The following DSTN variants were observed in gnomAD, a reference collection of about 807,000 sequenced individuals.
DSTN encodes destrin.
Under a neutral mutation model 16.8 loss-of-function variants are expected in DSTN, and 10 were observed. The observed-to-expected ratio is 0.60, with a 90% CI of 0.37 to 1.01. The LOEUF is 1.01. Ranked by LOEUF, DSTN falls within the 50% of genes least tolerant of loss-of-function variation. The pLI is 0.01. For missense variants in DSTN, 141 were observed against 196.7 expected, an observed-to-expected ratio of 0.72 and a Z score of 1.69; for synonymous variants, 57 against 58.9, an observed-to-expected ratio of 0.97 and a Z score of 0.14.
intron 1 of DSTN, among the ~76,000 whole-genome samples, chr20:17,590,097 G>T (rs1384288747): frequency 1.3e-5 from 2 of 152,150 alleles, no homozygotes; most frequent in East Asian, 3.8e-4. Context: ...TTAGCTTTTG[G>T]ACTGGTTCAG....
At position 17,570,176 on chromosome 20, in the gene DSTN, C is replaced by T. The variant is rs1434123172; in HGVS notation, c.-33C>T. The T allele has an allele frequency of 2.6e-6, 4 of 1,519,078 alleles. No individual in the cohort carries two copies. In the South Asian group the frequency reaches 3.6e-5, roughly 14 times the overall value. The allele number at this position is 1,519,078 out of a possible 1,614,324, so 94.1% of individuals were successfully genotyped here. A position where few individuals can be genotyped will look rare whatever the true frequency, so the allele number is the denominator to read the frequency against. On this transcript the variant is annotated 5_prime_UTR_variant, in exon 1 of 4. Transcript: ENST00000246069. ...TGCATACTCGCTGCCCGCCGGCTCC[C>T]TCCCCCGCGTCCCTGCGACCGCCGC...
chr20:17,570,932 C>T (rs1479099615), intron 1 of DSTN, among the ~76,000 whole-genome samples: 1 of 152,078 alleles, frequency 6.6e-6, no homozygotes, highest in Non-Finnish European at 1.5e-5. Flanking sequence ...TTTTTTCTGA[C>T]CTGTAGACAG....
chr20:17,599,119 A>G (rs965325143), intron 1 of DSTN: 2 of 152,248 alleles, frequency 1.3e-5, no homozygotes, highest in Non-Finnish European at 2.9e-5. Context: ...ACAATGGAAC[A>G]TTATTCAACA....
chr20:17,583,477 A>G (rs1483524513), intron 1 of DSTN, among the ~76,000 whole-genome samples: 1 of 152,224 alleles, frequency 6.6e-6, no homozygotes, highest in Non-Finnish European at 1.5e-5. Flanking sequence ...TAAATGTAGT[A>G]TATCCATGCA....
chr20:17,602,915 G>A (rs2035602116), intron 2 of DSTN, among the ~76,000 whole-genome samples: 1 of 152,192 alleles, frequency 6.6e-6, no homozygotes, highest in Admixed American at 6.5e-5. Context: ...AGCTACTCGG[G>A]AGGCTGAGGC....
chr20:17,598,739 A>G (rs1301739562), intron 1 of DSTN, among the ~76,000 whole-genome samples: 1 of 151,970 alleles, frequency 6.6e-6, no homozygotes, highest in Non-Finnish European at 1.5e-5. Flanking sequence ...TTTAAATTCT[A>G]TTGCTTATGA....
At chr20:17,604,493 A>ACAAGTTG in intron 2 of DSTN, 62 bp from the exon 3 acceptor site, 1 of 1,505,876 alleles carries the variant, frequency 6.6e-7, no homozygotes, top group Middle Eastern at 2.3e-4. Context: ...CAAATGTTTA[A>ACAAGTTG]CAAGTTGCAA....
At chr20:17,575,027 T>G (rs2035262719) in intron 1 of DSTN, among the ~76,000 whole-genome samples, 1 of 151,874 alleles carries the variant, frequency 6.6e-6, no homozygotes, top group South Asian at 2.1e-4. Flanking sequence ...CAGCTAACTT[T>G]TTAAAATTTT....
At chr20:17,587,203 A>T (rs953133900) in intron 1 of DSTN, among the ~76,000 whole-genome samples, 1 of 41,168 alleles carries the variant, frequency 2.4e-5, no homozygotes, top group Non-Finnish European at 3.7e-5. Flanking sequence ...CTCAAGGAAT[A>T]AAAAAAAAAA....
At position 17,609,655 on chromosome 20, in the gene DSTN, A is replaced by C. The variant is rs1421834736; in HGVS notation, c.*2509A>C. 1.3e-5 allele frequency: 2 copies of C among 152,202 alleles called. No homozygotes were observed. The highest frequency in any genetic ancestry group is 4.8e-5 in the African/African-American group (2 of 41,456). 9.4% of individuals were successfully genotyped at this position (152,202 alleles called of 1,614,324 possible). On this transcript the variant is annotated 3_prime_UTR_variant, in exon 4 of 4. Coordinates refer to ENST00000246069, the MANE Select transcript of DSTN (RefSeq NM_006870.4). ...CTAGGGGAACTTTTGAGAAAGTCTCAGTGGATTCCTGAGGCCCAAGAATTG... is the reference window on the plus strand; with the variant it reads ...CTAGGGGAACTTTTGAGAAAGTCTCCGTGGATTCCTGAGGCCCAAGAATTG...
chr20:17,577,360 G>GT lies in DSTN; in HGVS notation c.3+7150dup, dbSNP rs2035290491. On this transcript the variant is annotated intron_variant, in intron 1 of 3. Coordinates refer to ENST00000246069, the MANE Select transcript of DSTN (RefSeq NM_006870.4). ...AGTTTTGAGGAATTCTCAAATCATT[G>GT]TAAGAATCTGCAGCCTGACCAACAT... Among the ~76,000 whole-genome samples, 4 of 152,254 alleles carry GT rather than the reference G, an allele frequency of 2.6e-5. No homozygotes were observed. In the South Asian group the frequency reaches 6.2e-4, roughly 24 times the overall value.
Position 17,570,205 on chromosome 20 carries a change from G to T in DSTN, c.-4G>T, listed in dbSNP as rs761309989. 1.4e-5 allele frequency: 21 copies of T among 1,519,548 alleles called. No individual in the cohort carries two copies. The highest frequency in any genetic ancestry group is 1.8e-5 in the Non-Finnish European group (21 of 1,137,586). 94.1% of individuals were successfully genotyped at this position (1,519,548 alleles called of 1,614,324 possible). On this transcript the variant is annotated 5_prime_UTR_variant, in exon 1 of 4. Transcript: ENST00000246069. Reference sequence around the variant, plus strand: ...CCCGCGTCCCTGCGACCGCCGCGGCGAAGATGGTGAGTAGGAGGGAGGCCG... The same window carrying T: ...CCCGCGTCCCTGCGACCGCCGCGGCTAAGATGGTGAGTAGGAGGGAGGCCG...
intron 1 of DSTN, among the ~76,000 whole-genome samples, chr20:17,582,121 C>T (rs939578806): frequency 1.3e-5 from 2 of 148,160 alleles, no homozygotes; most frequent in African/African-American, 2.6e-5. Flanking sequence ...CCCTGTTGCC[C>T]AGGCTGGAGT....
intron 2 of DSTN, among the ~76,000 whole-genome samples, chr20:17,603,186 A>AG (rs2122209237): frequency 6.6e-6 from 1 of 152,292 alleles, no homozygotes; most frequent in East Asian, 1.9e-4. Context: ...CACTAGGGTA[A>AG]GGGGTACACT....
At chr20:17,595,521 C>G (rs1021876284) in intron 1 of DSTN, among the ~76,000 whole-genome samples, 1 of 152,034 alleles carries the variant, frequency 6.6e-6, no homozygotes, top group African/African-American at 2.4e-5. Context: ...TTAAGATTAT[C>G]TCCTCTGGAA....
At chr20:17,588,069 C>G (rs79831399) in intron 1 of DSTN, among the ~76,000 whole-genome samples, 2,685 of 152,210 alleles carry the variant, frequency 0.018, 100 homozygotes, top group African/African-American at 0.062. Flanking sequence ...TGACCATACC[C>G]TCCTTCTTTC....
chr20:17,603,951 G>T (rs761409822), intron 2 of DSTN, among the ~76,000 whole-genome samples: 2 of 152,156 alleles, frequency 1.3e-5, no homozygotes, highest in Non-Finnish European at 2.9e-5. Flanking sequence ...TAGATGAAGG[G>T]ACTGGGGAAG....
intron 2 of DSTN, among the ~76,000 whole-genome samples, chr20:17,602,430 T>C (rs1044595529): frequency 2.2e-4 from 34 of 152,246 alleles, no homozygotes; most frequent in African/African-American, 7.7e-4. Flanking sequence ...TTGGTCGGTA[T>C]TTCCTTAATT....
At chr20:17,583,735 CTTTTTTTTT>C (rs71192397) in intron 1 of DSTN, among the ~76,000 whole-genome samples, 4 of 72,484 alleles carry the variant, frequency 5.5e-5, no homozygotes, top group South Asian at 6.5e-4. Flanking sequence ...TTTGGAGTTT[CTTTTTTTTT>C]TTTTTTTTTT....
Sources: allele counts gnomAD v4.1 joint callset (sites outside exome capture counted in the v4.1 genomes callset), GRCh38; gene constraint gnomAD v4.1.1; transcripts MANE v1.5; gene names NCBI Gene and HGNC (gene_info 2026-07-23, HGNC 2026-07-21).